ADGRL4: variants seen among roughly 807,000 people sequenced by gnomAD.
ADGRL4 encodes the protein EGF, latrophilin and seven transmembrane domain containing 1.
ADGRL4 carries 90 observed loss-of-function variants against 74.8 expected under a neutral mutation model. The observed-to-expected ratio is 1.20, with a 90% CI of 1.02 to 1.43. ADGRL4 has a LOEUF of 1.43. Ranked by LOEUF, ADGRL4 falls within the 40% of genes most tolerant of loss-of-function variation. The pLI is 0.00. For synonymous variants in ADGRL4, 311 were observed against 279.2 expected, an observed-to-expected ratio of 1.11 and a Z score of -1.14; for missense variants, 881 against 814.3, an observed-to-expected ratio of 1.08 and a Z score of -1.00.
intron 2 of ADGRL4, among the ~76,000 whole-genome samples, chr1:78,963,734 T>C (rs891195202): frequency 6.6e-5 from 10 of 152,008 alleles, no homozygotes; most frequent in Non-Finnish European, 1.2e-4. Context: ...TGAAAATAAA[T>C]GTATACATGG....
intron 12 of ADGRL4, among the ~76,000 whole-genome samples, chr1:78,899,195 T>G (rs1252945778): frequency 6.6e-6 from 1 of 152,208 alleles, no homozygotes; most frequent in Non-Finnish European, 1.5e-5. Flanking sequence ...ATGTCTTTGT[T>G]CTTTCAAATA....
chr1:78,996,801 A>G (rs1650726038), intron 2 of ADGRL4, among the ~76,000 whole-genome samples: 1 of 152,192 alleles, frequency 6.6e-6, no homozygotes, highest in African/African-American at 2.4e-5. Flanking sequence ...CAATTATCAG[A>G]AGATAAATAT....
chr1:78,998,191 C>T lies in ADGRL4; in HGVS notation c.172+6879G>A, dbSNP rs1245818354. ...AACTGCCCCCTTTTGTGGCATTTGACGCTGCTTTGAGAATTTCACTCTAAT... is the reference window on the plus strand; with the variant it reads ...AACTGCCCCCTTTTGTGGCATTTGATGCTGCTTTGAGAATTTCACTCTAAT... On this transcript the variant is annotated intron_variant, in intron 2 of 14. Coordinates refer to ENST00000370742, the MANE Select transcript of ADGRL4 (RefSeq NM_022159.4). Among the ~76,000 whole-genome samples the T allele has an allele frequency of 4.6e-5, 7 of 151,744 alleles. No homozygotes were observed. The East Asian group carries it at 5.8e-4, about 13-fold the overall frequency.
intron 12 of ADGRL4, among the ~76,000 whole-genome samples, chr1:78,893,540 G>T (rs1218956051): frequency 2.6e-5 from 4 of 151,826 alleles, no homozygotes; most frequent in Admixed American, 2.6e-4. Context: ...GAAGAAATGT[G>T]TTAGTGATAA....
At chr1:78,947,333 A>AG (rs1649624108) in intron 2 of ADGRL4, among the ~76,000 whole-genome samples, 2 of 152,322 alleles carry the variant, frequency 1.3e-5, no homozygotes, top group South Asian at 4.1e-4. Context: ...TCCTTATAAA[A>AG]GGACGGAAAT....
At chr1:78,931,511 A>T (rs1489632778) in intron 7 of ADGRL4, among the ~76,000 whole-genome samples, 1 of 151,410 alleles carries the variant, frequency 6.6e-6, no homozygotes, top group Non-Finnish European at 1.5e-5. Context: ...ACTATGAAGA[A>T]ACCGCAGCAA....
intron 2 of ADGRL4, among the ~76,000 whole-genome samples, chr1:78,949,832 A>T (rs1649685249): frequency 1.3e-5 from 2 of 152,178 alleles, no homozygotes; most frequent in Non-Finnish European, 2.9e-5. Context: ...AAAATTCTTT[A>T]AAATACAATT....
chr1:78,908,182 T>A lies in ADGRL4; in HGVS notation c.1749+9452A>T, dbSNP rs75142565. Reference sequence around the variant, plus strand: ...TCTGCAACGACTAAGAAAGACTGATTCAAAGAAAGGCTCCCTCTTGTAGTA... The same window carrying A: ...TCTGCAACGACTAAGAAAGACTGATACAAAGAAAGGCTCCCTCTTGTAGTA... On this transcript the variant is annotated intron_variant, in intron 12 of 14. Coordinates refer to ENST00000370742, the MANE Select transcript of ADGRL4 (RefSeq NM_022159.4). Among the ~76,000 whole-genome samples the A allele has an allele frequency of 3.1e-4, 47 of 152,100 alleles. No individual in the cohort carries two copies. In the East Asian group the frequency reaches 7.6e-3, roughly 25 times the overall value.
intron 2 of ADGRL4, among the ~76,000 whole-genome samples, chr1:78,982,015 T>C (rs974001554): frequency 2.0e-5 from 3 of 151,850 alleles, no homozygotes; most frequent in Non-Finnish European, 4.4e-5. Context: ...TAAGATCTTC[T>C]AAAATACATG....
intron 2 of ADGRL4, among the ~76,000 whole-genome samples, chr1:78,997,449 G>A (rs921726739): frequency 5.3e-5 from 8 of 152,122 alleles, no homozygotes; most frequent in South Asian, 2.1e-4. Context: ...CTCTTCCTAC[G>A]AAAGGAGAAG....
At chr1:78,905,906 G>A (rs1007909586) in intron 12 of ADGRL4, among the ~76,000 whole-genome samples, 5 of 151,934 alleles carry the variant, frequency 3.3e-5, no homozygotes, top group African/African-American at 9.7e-5. Context: ...TGACATAATA[G>A]TATAGAATTA....
At chr1:78,987,428 T>C (rs1364039601) in intron 2 of ADGRL4, among the ~76,000 whole-genome samples, 4 of 151,706 alleles carry the variant, frequency 2.6e-5, no homozygotes, top group African/African-American at 9.7e-5. Flanking sequence ...TGTATATACA[T>C]TGGATGTACA....
rs75439128 is a variant in ADGRL4 at position 78,892,099 on chromosome 1, A to G, written c.1842-407T>C. Among the ~76,000 whole-genome samples the G allele has an allele frequency of 5.5e-3, 834 of 152,314 alleles. 4 individuals carry two copies. Among genetic ancestry groups the G allele is most frequent in the African/African-American group, 0.019 (796 of 41,574 alleles). On this transcript the variant is annotated intron_variant, in intron 13 of 14. Transcript: ENST00000370742. ...ATTTTCCCTAAGAAACTCCGAAAAG[A>G]AAGTATACCATGTGGACTGGGGTCA...
intron 9 of ADGRL4, among the ~76,000 whole-genome samples, chr1:78,921,222 T>C (rs1648992427): frequency 6.6e-6 from 1 of 151,520 alleles, no homozygotes; most frequent in Non-Finnish European, 1.5e-5. Context: ...CTAATACTTA[T>C]TGCCCAACTG....
chr1:79,000,110 T>A (rs1650811658), intron 2 of ADGRL4, among the ~76,000 whole-genome samples: 1 of 152,176 alleles, frequency 6.6e-6, no homozygotes, highest in Non-Finnish European at 1.5e-5. Flanking sequence ...CTTCATCCTA[T>A]TAGTTACTGG....
intron 12 of ADGRL4, among the ~76,000 whole-genome samples, chr1:78,906,530 G>A (rs1297939093): frequency 6.6e-6 from 1 of 151,854 alleles, no homozygotes; most frequent in Non-Finnish European, 1.5e-5. Context: ...CCATGGAAAG[G>A]AATAAAGGTG....
Position 79,006,688 on chromosome 1 carries a change from G to A in ADGRL4, c.-34C>T, listed in dbSNP as rs1650970150. On this transcript the variant is annotated 5_prime_UTR_variant, in exon 1 of 15. Transcript: ENST00000370742. ...GCCGCAGTGGTGGCGGTGGCGGAGA[G>A]CGCGGCGGAGTGAGTGCGGCTGTGG... 1 of 1,466,396 alleles carries A rather than the reference G, an allele frequency of 6.8e-7. No homozygotes were observed. Among genetic ancestry groups the A allele is most frequent in the Non-Finnish European group, 9.0e-7 (1 of 1,110,756 alleles). 90.8% of individuals were successfully genotyped at this position (1,466,396 alleles called of 1,614,324 possible).
intron 12 of ADGRL4, among the ~76,000 whole-genome samples, chr1:78,914,671 T>G (rs1257386582): frequency 1.3e-5 from 2 of 151,844 alleles, no homozygotes; most frequent in African/African-American, 4.8e-5. Flanking sequence ...CTGCCATAAA[T>G]TTACATGCCA....
At chr1:78,893,423 G>T (rs926832998) in intron 12 of ADGRL4, among the ~76,000 whole-genome samples, 2 of 151,820 alleles carry the variant, frequency 1.3e-5, no homozygotes, top group African/African-American at 4.8e-5. Flanking sequence ...ATCATCTGCT[G>T]CCACTAATAT....
Sources: gnomAD v4.1 joint callset for allele counts (sites outside exome capture counted in the v4.1 genomes callset) on GRCh38, gnomAD v4.1.1 for gene constraint, MANE v1.5 for transcripts, NCBI Gene and HGNC (gene_info 2026-07-23, HGNC 2026-07-21) for gene names.